Variants in ITPRID1 observed in about 807,000 individuals in gnomAD.
The protein encoded by ITPRID1 is ITPR interacting domain containing 1.
ITPRID1 carries 96 observed loss-of-function variants against 95.4 expected under a neutral mutation model. The observed-to-expected ratio is 1.01, with a 90% confidence interval of 0.85 to 1.19. The LOEUF (loss-of-function observed/expected upper bound fraction) is 1.19. ITPRID1 is among the 50% of genes most tolerant of loss of function. ITPRID1 has a pLI of 0.00. For synonymous variants in ITPRID1, 510 were observed against 453.6 expected (o/e 1.12, Z -1.58); for missense variants, 1,339 against 1,252.9 (o/e 1.07, Z -1.04).
chr7:31,637,085 C>T (rs375520792), intron 10 of ITPRID1, among the ~76,000 whole-genome samples: 1 of 152,024 alleles, frequency 6.6e-6, no homozygotes. Flanking sequence ...TTTATGGCTG[C>T]ATAGAATTCC....
chr7:31,633,163 G>A (rs1384563394), intron 10 of ITPRID1, among the ~76,000 whole-genome samples: 2 of 152,096 alleles, frequency 1.3e-5, no homozygotes, highest in Non-Finnish European at 2.9e-5. Flanking sequence ...GGGATTACAG[G>A]CGTGAGCTAC....
At chr7:31,549,096 C>T (rs1397594033) in intron 1 of ITPRID1, among the ~76,000 whole-genome samples, 1 of 152,032 alleles carries the variant, frequency 6.6e-6, no homozygotes, top group African/African-American at 2.4e-5. Context: ...GGCTGTTCTC[C>T]CATTATGCAG....
chr7:31,638,922 A>T lies in ITPRID1; in HGVS notation c.1229-3254A>T, dbSNP rs1249072826. ...CTCCCAAGTAGCTGGGATTACAGGC[A>T]CCTGCCACCACACCCGCTAATTTTT... On this transcript the variant is annotated intron_variant, in intron 10 of 14. Coordinates refer to ENST00000615280, the MANE Select transcript of ITPRID1 (RefSeq NM_001257967.3). Among the ~76,000 whole-genome samples the T allele has an allele frequency of 2.0e-5, 3 of 152,132 alleles. No individual in the cohort carries two copies. The East Asian group carries it at 5.8e-4, about 29-fold the overall frequency.
intron 12 of ITPRID1, among the ~76,000 whole-genome samples, chr7:31,646,757 G>A (rs992158425): frequency 2.0e-5 from 3 of 152,176 alleles, no homozygotes; most frequent in African/African-American, 7.2e-5. Flanking sequence ...ACTGTCCTCA[G>A]ACGTGGGTAG....
At chr7:31,553,474 G>A (rs1403677051) in intron 3 of ITPRID1, among the ~76,000 whole-genome samples, 1 of 152,194 alleles carries the variant, frequency 6.6e-6, no homozygotes, top group Admixed American at 6.5e-5. Context: ...CTTTGAAGCT[G>A]TGTGGGGTCT....
chr7:31,516,377 G>A (rs149256878), intron 1 of ITPRID1, among the ~76,000 whole-genome samples: 4 of 152,236 alleles, frequency 2.6e-5, no homozygotes, highest in African/African-American at 9.6e-5. Flanking sequence ...ATAAAAAGCT[G>A]ACCCAAATTA....
intron 12 of ITPRID1, among the ~76,000 whole-genome samples, chr7:31,646,080 C>T (rs892267606): frequency 8.6e-5 from 13 of 151,826 alleles, no homozygotes; most frequent in African/African-American, 3.1e-4. Context: ...ATGCACATCC[C>T]GAAAAAAGAT....
chr7:31,583,265 AAT>A, intron 10 of ITPRID1, 74 bp downstream of exon 10: 1 of 1,032,992 alleles, frequency 9.7e-7, no homozygotes, highest in Non-Finnish European at 1.5e-6. Context: ...TAAATTTCTT[AAT>A]ATGTACAGAG....
At chr7:31,646,662 A>C (rs1454302008) in intron 12 of ITPRID1, among the ~76,000 whole-genome samples, 1 of 152,166 alleles carries the variant, frequency 6.6e-6, no homozygotes, top group East Asian at 1.9e-4. Context: ...GCAGCTGGAA[A>C]TAGATGTTCC....
chr7:31,565,630 A>G (rs1784772979), intron 5 of ITPRID1, among the ~76,000 whole-genome samples: 1 of 152,128 alleles, frequency 6.6e-6, no homozygotes, highest in South Asian at 2.1e-4. Flanking sequence ...CTCAGCTACT[A>G]GTGAGGCTGA....
chr7:31,541,860 T>A lies in ITPRID1; in HGVS notation c.-97-7566T>A, dbSNP rs188648230. Among the ~76,000 whole-genome samples the A allele has an allele frequency of 4.2e-3, 634 of 152,304 alleles. 6 individuals are homozygous for A. Among genetic ancestry groups the A allele is most frequent in the Middle Eastern group, 6.8e-3 (2 of 294 alleles). ...TAATTTTTGTTAAAGAGCAGGTTAGTGCTTTAAGAGAAACCCATTGTGCTT... is the reference window on the plus strand; with the variant it reads ...TAATTTTTGTTAAAGAGCAGGTTAGAGCTTTAAGAGAAACCCATTGTGCTT... On this transcript the variant is annotated intron_variant, in intron 1 of 14. Coordinates refer to ENST00000615280, the MANE Select transcript of ITPRID1 (RefSeq NM_001257967.3).
chr7:31,519,986 T>A (rs1369538262), intron 1 of ITPRID1, among the ~76,000 whole-genome samples: 1 of 151,998 alleles, frequency 6.6e-6, no homozygotes, highest in Non-Finnish European at 1.5e-5. Context: ...ATGATGTCAT[T>A]CAGGATGCCA....
intron 10 of ITPRID1, among the ~76,000 whole-genome samples, chr7:31,637,439 T>G (rs1397307301): frequency 6.6e-6 from 1 of 152,214 alleles, no homozygotes; most frequent in African/African-American, 2.4e-5. Flanking sequence ...CTAACTGGTG[T>G]GAGATGGTAT....
intron 10 of ITPRID1, among the ~76,000 whole-genome samples, chr7:31,607,287 C>G (rs1468836735): frequency 2.6e-5 from 4 of 152,056 alleles, no homozygotes; most frequent in Admixed American, 2.6e-4. Flanking sequence ...GCTGGATCTC[C>G]CATTTTTGGG....
intron 10 of ITPRID1, among the ~76,000 whole-genome samples, chr7:31,640,021 T>C (rs967875409): frequency 6.6e-6 from 1 of 152,194 alleles, no homozygotes; most frequent in Admixed American, 6.5e-5. Context: ...AGGTGGTAGA[T>C]AGTACTATAT....
intron 13 of ITPRID1, 32 bp downstream of exon 13, chr7:31,651,301 A>G (rs1483983284): frequency 1.2e-6 from 2 of 1,606,296 alleles, no homozygotes; most frequent in East Asian, 2.2e-5. Flanking sequence ...AAAAGTAAGT[A>G]CCAGCCCACA....
At chr7:31,646,158 G>A (rs1227736011) in intron 12 of ITPRID1, among the ~76,000 whole-genome samples, 1 of 152,088 alleles carries the variant, frequency 6.6e-6, no homozygotes, top group Non-Finnish European at 1.5e-5. Flanking sequence ...TGTCTATTTT[G>A]TTAAAAATAA....
intron 5 of ITPRID1, among the ~76,000 whole-genome samples, chr7:31,562,714 A>C (rs1784667141): frequency 6.6e-6 from 1 of 152,006 alleles, no homozygotes; most frequent in African/African-American, 2.4e-5. Context: ...TTCAAATGTA[A>C]CCTACATCAA....
chr7:31,525,265 AG>A lies in ITPRID1; in HGVS notation c.-98+11146del, dbSNP rs375107308. Among the ~76,000 whole-genome samples the A allele has an allele frequency of 5.4e-3, 817 of 152,314 alleles. 11 individuals carry two copies. The highest frequency in any genetic ancestry group is 0.019 in the African/African-American group (779 of 41,576). On this transcript the variant is annotated intron_variant, in intron 1 of 14. Transcript: ENST00000615280. ...CTGCCACTGAGCACTTGTGACTCTA[AG>A]TCCTAACCTTTCCATCTTTTCCTTT...
Sources: allele counts gnomAD v4.1 joint callset (sites outside exome capture counted in the v4.1 genomes callset), GRCh38; gene constraint gnomAD v4.1.1; transcripts MANE v1.5; gene names NCBI Gene and HGNC (gene_info 2026-07-23, HGNC 2026-07-21).